The following CFDP1 variants were observed in gnomAD, a reference collection of about 807,000 sequenced individuals.
CFDP1 encodes the protein heterochromatin-stabilizing protein CFDP1.
A neutral mutation model predicts 40.1 loss-of-function variants in CFDP1; 31 were observed. That is an observed-to-expected ratio of 0.77 (90% CI 0.58 to 1.04). CFDP1 has a LOEUF of 1.04. Among genes scored for constraint, CFDP1 ranks in the 50% least tolerant of loss-of-function variants. The probability of loss-of-function intolerance (pLI) is 0.00; values close to 1 mark genes in which losing one functional copy is unlikely to be tolerated. For missense variants in CFDP1, 423 were observed against 343.4 expected (o/e 1.23, Z -1.83); for synonymous variants, 167 against 120.0 (o/e 1.39, Z -2.56).
chr16:75,413,836 A>T (rs547654952), intron 2 of CFDP1, among the ~76,000 whole-genome samples: 32 of 152,214 alleles, frequency 2.1e-4, no homozygotes, highest in Non-Finnish European at 4.3e-4. Flanking sequence ...TACCAGGCCT[A>T]TGCCAGGCAA....
At chr16:75,359,869 T>C (rs1360130553) in intron 5 of CFDP1, among the ~76,000 whole-genome samples, 1 of 152,194 alleles carries the variant, frequency 6.6e-6, no homozygotes, top group East Asian at 1.9e-4. Context: ...CAGTGTTTTA[T>C]TTATTGTGCT....
chr16:75,410,106 T>G (rs936362080), intron 4 of CFDP1, among the ~76,000 whole-genome samples: 2 of 120,842 alleles, frequency 1.7e-5, no homozygotes, highest in Non-Finnish European at 3.5e-5. Flanking sequence ...AAAAAACTGA[T>G]AGTGTCAATT....
chr16:75,324,465 G>A (rs1247863946), intron 5 of CFDP1, among the ~76,000 whole-genome samples: 1 of 152,114 alleles, frequency 6.6e-6, no homozygotes, highest in Non-Finnish European at 1.5e-5. Flanking sequence ...TTGCTGGCTG[G>A]GCGCGGTGGC....
chr16:75,390,439 G>C (rs574199231), intron 5 of CFDP1, among the ~76,000 whole-genome samples: 2 of 152,282 alleles, frequency 1.3e-5, no homozygotes, highest in South Asian at 4.1e-4. Context: ...ACCCTGCCTT[G>C]AGCAAGAATC....
At chr16:75,375,991 C>T (rs1375885753) in intron 5 of CFDP1, among the ~76,000 whole-genome samples, 2 of 152,104 alleles carry the variant, frequency 1.3e-5, no homozygotes, top group Admixed American at 6.6e-5. Flanking sequence ...AGCAGGAGGA[C>T]TGCTTGAGCC....
chr16:75,399,577 C>T (rs1198973904), intron 4 of CFDP1, among the ~76,000 whole-genome samples: 1 of 152,122 alleles, frequency 6.6e-6, no homozygotes, highest in African/African-American at 2.4e-5. Flanking sequence ...CAGAGTCTCA[C>T]CATGTTGCCT....
chr16:75,409,959 T>C (rs1316995936), intron 4 of CFDP1, among the ~76,000 whole-genome samples: 5 of 143,218 alleles, frequency 3.5e-5, no homozygotes, highest in African/African-American at 1.3e-4. Context: ...GAGTAGTACA[T>C]CCCTGAAGTC....
At position 75,327,139 on chromosome 16, in the gene CFDP1, C is replaced by T. The variant is rs531828024; in HGVS notation, c.651-21957G>A. 9.2e-5 allele frequency among the ~76,000 whole-genome samples: 14 copies of T among 152,176 alleles called. No homozygotes were observed. The South Asian group carries it at 1.9e-3, about 20-fold the overall frequency. On this transcript the variant is annotated intron_variant, in intron 5 of 6. Coordinates refer to ENST00000283882, the MANE Select transcript of CFDP1 (RefSeq NM_006324.3). The stretch of plus-strand genomic sequence containing the variant: ...AAAAATAGCTGGGCGTGGTGGCGGA[C>T]GCCTGTAGTTCCAGCTATTCGGGAG...
chr16:75,340,618 G>A (rs1597341999), intron 5 of CFDP1, among the ~76,000 whole-genome samples: 2 of 152,142 alleles, frequency 1.3e-5, no homozygotes, highest in South Asian at 2.1e-4. Context: ...TGCAATAAGA[G>A]GAACTATTTT....
At chr16:75,321,269 T>C (rs968278963) in intron 5 of CFDP1, among the ~76,000 whole-genome samples, 18 of 152,252 alleles carry the variant, frequency 1.2e-4, no homozygotes, top group Admixed American at 8.5e-4. Flanking sequence ...CCAGCCTGGC[T>C]AATACTTTTT....
chr16:75,395,446 G>A (rs572797008), intron 4 of CFDP1, among the ~76,000 whole-genome samples: 1 of 152,096 alleles, frequency 6.6e-6, no homozygotes, highest in East Asian at 1.9e-4. Flanking sequence ...GGATCACAAG[G>A]TCAAGAGATC....
intron 4 of CFDP1, among the ~76,000 whole-genome samples, chr16:75,406,255 T>C (rs1412643875): frequency 6.6e-6 from 1 of 151,848 alleles, no homozygotes; most frequent in Non-Finnish European, 1.5e-5. Context: ...CCAATGCCTA[T>C]ATTCCCAGGT....
rs554746262 is a variant in CFDP1, at chr16:75,403,597, A to C, written c.530+8228T>G. Among the ~76,000 whole-genome samples the C allele has an allele frequency of 2.0e-5, 3 of 152,330 alleles. No individual in the cohort carries two copies. The East Asian group carries it at 5.8e-4, about 29-fold the overall frequency. ...AGGGCCACTAGTGAAGTTATAAATA[A>C]ATCTTTCTTAGTCTGCATAACACAT... On this transcript the variant is annotated intron_variant, in intron 4 of 6. Transcript: ENST00000283882.
chr16:75,414,721 G>C (rs1255102760), intron 1 of CFDP1, 26 bp from the exon 2 acceptor site: 3 of 1,444,582 alleles, frequency 2.1e-6, no homozygotes, highest in Admixed American at 1.7e-5. Context: ...AGGGTGATCA[G>C]ACAGGAATAA....
chr16:75,398,580 T>G (rs2079018754), intron 4 of CFDP1, among the ~76,000 whole-genome samples: 1 of 152,222 alleles, frequency 6.6e-6, no homozygotes, highest in South Asian at 2.1e-4. Flanking sequence ...TCCCTGTGTC[T>G]GTCTCTCTCA....
At chr16:75,351,345 T>A (rs1049429035) in intron 5 of CFDP1, among the ~76,000 whole-genome samples, 2 of 152,188 alleles carry the variant, frequency 1.3e-5, no homozygotes, top group Non-Finnish European at 2.9e-5. Context: ...AAATAATGTT[T>A]CCCACAGAAA....
chr16:75,331,247 C>CT (rs1383081202), intron 5 of CFDP1, among the ~76,000 whole-genome samples: 1 of 152,206 alleles, frequency 6.6e-6, no homozygotes, highest in African/African-American at 2.4e-5. Context: ...GGCATCAAAA[C>CT]TTACATACAG....
At chr16:75,346,100 T>C (rs1206678430) in intron 5 of CFDP1, among the ~76,000 whole-genome samples, 1 of 152,244 alleles carries the variant, frequency 6.6e-6, no homozygotes, top group Non-Finnish European at 1.5e-5. Flanking sequence ...CCATGAGCAC[T>C]TCACTGTGCT....
At chr16:75,412,900 G>T in intron 2 of CFDP1, 146 bp from the exon 3 acceptor site, 12 of 419,910 alleles carry the variant, frequency 2.9e-5, no homozygotes, top group Middle Eastern at 7.2e-4. Context: ...GAGTAGAAGA[G>T]TTAAGCTGAA....
Sources: allele counts gnomAD v4.1 joint callset (sites outside exome capture counted in the v4.1 genomes callset), GRCh38; gene constraint gnomAD v4.1.1; transcripts MANE v1.5; gene names NCBI Gene and HGNC (gene_info 2026-07-23, HGNC 2026-07-21).